Variants in PDE9A observed in about 807,000 individuals in gnomAD.
PDE9A encodes high affinity cGMP-specific 3',5'-cyclic phosphodiesterase 9A.
A neutral mutation model predicts 87.4 loss-of-function variants in PDE9A; 60 were observed. The ratio of observed to expected loss-of-function variants is 0.69; its 90% CI spans 0.56 to 0.85. The LOEUF (loss-of-function observed/expected upper bound fraction) is 0.85. Ranked by LOEUF, PDE9A falls within the 40% of genes least tolerant of loss-of-function variation. The pLI is 0.00. For missense variants in PDE9A, 665 were observed against 779.0 expected, an observed-to-expected ratio of 0.85 and a Z score of 1.74; for synonymous variants, 272 against 279.4, an observed-to-expected ratio of 0.97 and a Z score of 0.27.
rs983566805 is a variant in PDE9A at position 42,704,630 on chromosome 21, C to G, written c.262+5619C>G. On this transcript the variant is annotated intron_variant, in intron 4 of 19. Coordinates refer to ENST00000291539, the MANE Select transcript of PDE9A (RefSeq NM_002606.3). The surrounding 1 kb of genome is among the most constrained non-coding windows in gnomAD (Gnocchi z 5.3). ...GCCCAAGGTCAGGAGTTAGCTCTAG[C>G]GACGCCGCCCTGAGTTCTGGCCTGT... Among the ~76,000 whole-genome samples, 7 of 152,332 alleles carry G rather than the reference C, an allele frequency of 4.6e-5. No homozygotes were observed. The South Asian group carries it at 1.4e-3, about 32-fold the overall frequency.
At chr21:42,770,527 T>C (rs540286906) in intron 17 of PDE9A, among the ~76,000 whole-genome samples, 176 bp from the exon 18 acceptor site, 2 of 152,096 alleles carry the variant, frequency 1.3e-5, no homozygotes, top group East Asian at 3.9e-4. Context: ...TGGAGGGTGA[T>C]GAGGGCCAGA....
intron 7 of PDE9A, among the ~76,000 whole-genome samples, chr21:42,738,245 C>G (rs761064190): frequency 1.3e-5 from 2 of 152,262 alleles, no homozygotes; most frequent in Non-Finnish European, 2.9e-5. Flanking sequence ...GCCATACAAA[C>G]AGCCCAGAGC....
chr21:42,770,373 A>G (rs2056920839), intron 17 of PDE9A, among the ~76,000 whole-genome samples: 1 of 150,452 alleles, frequency 6.6e-6, no homozygotes, highest in Admixed American at 6.6e-5. Context: ...CCCACTTCCC[A>G]CTCCCAGGAC....
At position 42,723,804 on chromosome 21, in the gene PDE9A, A is replaced by G. The variant is rs935470342; in HGVS notation, c.263-7966A>G. On this transcript the variant is annotated intron_variant, in intron 4 of 19. Coordinates refer to ENST00000291539, the MANE Select transcript of PDE9A (RefSeq NM_002606.3). The surrounding 1 kb of genome is among the most constrained non-coding windows in gnomAD (Gnocchi z 4.3). Reference sequence around the variant, plus strand: ...CTCAAAAACTTCCAGGTCCAGAGGGACCCTAAAGACCCTGTCATGTCCCCC... The same window carrying G: ...CTCAAAAACTTCCAGGTCCAGAGGGGCCCTAAAGACCCTGTCATGTCCCCC... Among the ~76,000 whole-genome samples, 2 of 152,102 alleles carry G rather than the reference A, an allele frequency of 1.3e-5. No individual in the cohort carries two copies. The highest frequency in any genetic ancestry group is 2.9e-5 in the Non-Finnish European group (2 of 68,012).
At chr21:42,761,381 G>A (rs1241559152) in intron 13 of PDE9A, among the ~76,000 whole-genome samples, 7 of 152,254 alleles carry the variant, frequency 4.6e-5, no homozygotes, top group Admixed American at 1.3e-4. Context: ...GGGACAGGAG[G>A]TGGGAGTGAG....
At chr21:42,757,231 A>G (rs760565173) in intron 10 of PDE9A, 4 of 152,186 alleles carry the variant, frequency 2.6e-5, no homozygotes, top group Non-Finnish European at 5.9e-5. Context: ...CCCAAGGAAA[A>G]CGAGTGTGTG....
intron 3 of PDE9A, 21 bp from the exon 4 acceptor site, chr21:42,698,947 G>A: frequency 6.2e-7 from 1 of 1,603,220 alleles, no homozygotes; most frequent in Non-Finnish European, 8.5e-7. Context: ...TCTCACAGCG[G>A]CACTGTCTTC....
At chr21:42,765,567 A>C in intron 15 of PDE9A, 73 bp downstream of exon 15, 1 of 801,940 alleles carries the variant, frequency 1.2e-6, no homozygotes, top group Non-Finnish European at 2.2e-6. Context: ...TCCAGCTCAC[A>C]CTGGAAGCCA....
chr21:42,703,204 G>C (rs2048518267), intron 4 of PDE9A, among the ~76,000 whole-genome samples: 1 of 152,242 alleles, frequency 6.6e-6, no homozygotes, highest in Non-Finnish European at 1.5e-5. Context: ...CTGCGGGTGG[G>C]CTTGGTCTGC....
At chr21:42,662,798 A>C (rs916380254) in intron 1 of PDE9A, among the ~76,000 whole-genome samples, 3 of 138,042 alleles carry the variant, frequency 2.2e-5, no homozygotes, top group Non-Finnish European at 1.5e-5. Flanking sequence ...CACCAAGCAC[A>C]CACACACCAC....
chr21:42,745,184 G>A (rs971828823), intron 8 of PDE9A, among the ~76,000 whole-genome samples: 10 of 152,194 alleles, frequency 6.6e-5, no homozygotes, highest in Non-Finnish European at 1.0e-4. Context: ...AGGGAAAGCC[G>A]ACGGGCCTCA....
rs2048470858 is a variant in PDE9A, at chr21:42,702,659, C to T, written c.262+3648C>T. ...ATCAGTTTGATGCCTTTGAGCCCCA[C>T]CTTTAAGCTTTGTGAGAATGGCTCT... On this transcript the variant is annotated intron_variant, in intron 4 of 19. Transcript: ENST00000291539. The surrounding 1 kb of genome is among the most constrained non-coding windows in gnomAD (Gnocchi z 4.9). Among the ~76,000 whole-genome samples the T allele has an allele frequency of 1.3e-5, 2 of 152,222 alleles. No individual in the cohort carries two copies. The highest frequency in any genetic ancestry group is 6.5e-5 in the Admixed American group (1 of 15,284).
At chr21:42,740,599 A>G (rs1372999040) in intron 7 of PDE9A, among the ~76,000 whole-genome samples, 1 of 106,116 alleles carries the variant, frequency 9.4e-6, no homozygotes, top group Non-Finnish European at 2.0e-5. Flanking sequence ...GGATGGATGG[A>G]TGGATGGATG....
intron 4 of PDE9A, among the ~76,000 whole-genome samples, chr21:42,701,513 G>A (rs867251975): frequency 3.3e-5 from 5 of 151,298 alleles, no homozygotes; most frequent in Admixed American, 1.3e-4. Context: ...CATAGCTCAC[G>A]ACAGCCTTGA....
In PDE9A at chr21:42,762,333, C is replaced by T. The variant is rs896478482; in HGVS notation, c.1242+94C>T. On this transcript the variant is annotated intron_variant, in intron 14 of 19. Coordinates refer to ENST00000291539, the MANE Select transcript of PDE9A (RefSeq NM_002606.3). ...ATTGGCTGGAAGCTCCCAGAAGCTC[C>T]TGGCCACAGCAGTGCCCTGGGGACC... is the stretch of plus-strand genomic sequence containing the variant. 2.0e-4 allele frequency: 269 copies of T among 1,360,192 alleles called. 1 individual carries two copies. The highest frequency in any genetic ancestry group is 2.5e-4 in the Non-Finnish European group (245 of 980,434). 84.3% of individuals were successfully genotyped at this position (1,360,192 alleles called of 1,614,324 possible). A position where few individuals can be genotyped will look rare whatever the true frequency, so the allele number is the denominator to read the frequency against.
At chr21:42,701,059 A>C (rs1457294462) in intron 4 of PDE9A, 2 of 152,252 alleles carry the variant, frequency 1.3e-5, no homozygotes. Context: ...GGGAAGAATT[A>C]ATATCTTAAG....
At chr21:42,664,805 G>A (rs1356577516) in intron 1 of PDE9A, among the ~76,000 whole-genome samples, 3 of 152,192 alleles carry the variant, frequency 2.0e-5, no homozygotes, top group Non-Finnish European at 4.4e-5. Context: ...TCGGCCTTGC[G>A]AGAGACTCAG....
intron 4 of PDE9A, among the ~76,000 whole-genome samples, chr21:42,706,217 G>A (rs886641894): frequency 8.5e-5 from 13 of 152,232 alleles, no homozygotes; most frequent in African/African-American, 2.9e-4. Context: ...CAGATGCGCT[G>A]TAACTGTAGA....
intron 19 of PDE9A, among the ~76,000 whole-genome samples, chr21:42,774,734 T>A (rs1238102948): frequency 2.0e-5 from 3 of 151,498 alleles, no homozygotes. Context: ...ACACAAAAAT[T>A]AGCCAGCTGT....
Sources: allele counts gnomAD v4.1 joint callset (sites outside exome capture counted in the v4.1 genomes callset), GRCh38; gene constraint gnomAD v4.1.1; non-coding constraint Gnocchi (gnomAD v3.1); transcripts MANE v1.5; gene names NCBI Gene and HGNC (gene_info 2026-07-23, HGNC 2026-07-21).